The following RNF213 variants were observed in gnomAD, a reference collection of about 807,000 sequenced individuals.
RNF213 encodes E3 ubiquitin-protein ligase RNF213.
In RNF213, 341 loss-of-function variants were observed where a neutral mutation model predicts 514.4. That is an observed-to-expected ratio of 0.66 (90% CI 0.61 to 0.73). RNF213 has a LOEUF of 0.73. Ranked by LOEUF, RNF213 falls within the 30% of genes least tolerant of loss-of-function variation. The pLI is 0.00. For missense variants in RNF213, 5,767 were observed against 6,615.6 expected, an observed-to-expected ratio of 0.87 and a Z score of 4.45; for synonymous variants, 2,655 against 2,658.2, an observed-to-expected ratio of 1.00 and a Z score of 0.04.
chr17:80,371,720 GT>G, intron 46 of RNF213, 153 bp from the exon 47 acceptor site: 1 of 591,920 alleles, frequency 1.7e-6, no homozygotes. Flanking sequence ...ATGCTAAAAG[GT>G]TTTCCATAAA....
Position 80,347,368 on chromosome 17 carries a change from A to G in RNF213, c.9033A>G (p.Glu3011=), listed in dbSNP as rs374689837. The part of the protein sequence containing the change: ...ANLPEAKCSE[E]VSPMQLIKQN... The stretch of plus-strand genomic sequence containing the variant: ...TGCCCGAGGCCAAGTGCTCAGAGGA[A>G]GTCAGCCCCATGCAGCTGATCAAAC... The change falls in exon 29 of 68, where the codon GAA becomes GAG. Residue 3011 remains glutamate, a synonymous_variant. Transcript: ENST00000582970. The surrounding 1 kb of genome is among the most constrained non-coding windows in gnomAD (Gnocchi z 7.2). 13 of 1,613,826 alleles carry G rather than the reference A, an allele frequency of 8.1e-6. No homozygotes were observed. The highest frequency in any genetic ancestry group is 1.1e-5 in the Non-Finnish European group (13 of 1,180,024).
At chr17:80,355,629 G>T (rs1423523807) in intron 36 of RNF213, among the ~76,000 whole-genome samples, 1 of 48,996 alleles carries the variant, frequency 2.0e-5, no homozygotes. Flanking sequence ...GGGAATGGGG[G>T]CTTACAGGGG....
At position 80,361,828 on chromosome 17, in the gene RNF213, G is replaced by A. The variant is rs754908313; in HGVS notation, c.11295G>A (p.Gln3765=). The A allele has an allele frequency of 6.2e-7, 1 of 1,613,858 alleles. No homozygotes were observed. The highest frequency in any genetic ancestry group is 1.3e-5 in the African/African-American group (1 of 74,930). Residue 3765 remains glutamine (Q), a synonymous_variant, in exon 39 of 68, where the codon CAG becomes CAA. Coordinates refer to ENST00000582970, the MANE Select transcript of RNF213 (RefSeq NM_001256071.3). The part of the protein sequence containing the change: ...LHGEPQQELL[Q]CYLKDFILLT... Reference sequence around the variant, plus strand: ...GAGAGCCGCAGCAGGAACTTCTTCAGTGTTACTTGAAGGATTTCATTCTCT... The same window carrying A: ...GAGAGCCGCAGCAGGAACTTCTTCAATGTTACTTGAAGGATTTCATTCTCT...
intron 3 of RNF213, among the ~76,000 whole-genome samples, chr17:80,280,510 G>A (rs1038240264): frequency 2.0e-5 from 3 of 152,188 alleles, no homozygotes; most frequent in African/African-American, 4.8e-5. Flanking sequence ...CTGGAGCGCA[G>A]TGGCAAAATC....
chr17:80,386,952 T>TG, intron 63 of RNF213, 61 bp downstream of exon 63: 4 of 1,503,044 alleles, frequency 2.7e-6, no homozygotes, highest in Non-Finnish European at 3.6e-6. Context: ...AAGCAGCCCT[T>TG]GGTGTGTTTC....
rs2144638246 is a variant in RNF213, at chr17:80,386,240, T to C, written c.14540-10T>C. 6.2e-7 allele frequency: 1 copy of C among 1,604,796 alleles called. No individual in the cohort carries two copies. The highest frequency in any genetic ancestry group is 8.5e-7 in the Non-Finnish European group (1 of 1,179,830). Reference sequence around the variant, plus strand: ...TCCTCTCTGCTTAAGCATAACCCTGTCGTTTAAAGGTGAGATCAACCTACC... The same window carrying C: ...TCCTCTCTGCTTAAGCATAACCCTGCCGTTTAAAGGTGAGATCAACCTACC... On this transcript the variant is annotated splice_polypyrimidine_tract_variant and intron_variant, in intron 61 of 67. Coordinates refer to ENST00000582970, the MANE Select transcript of RNF213 (RefSeq NM_001256071.3).
chr17:80,357,634 C>T (rs111488119), intron 36 of RNF213, among the ~76,000 whole-genome samples: 2 of 152,294 alleles, frequency 1.3e-5, no homozygotes, highest in African/African-American at 4.8e-5. Flanking sequence ...ACCTCGATGA[C>T]TTGTTCTGAA....
intron 40 of RNF213, 116 bp from the exon 41 acceptor site, chr17:80,363,493 T>G (rs1018043347): frequency 5.3e-6 from 7 of 1,317,148 alleles, no homozygotes; most frequent in Non-Finnish European, 7.5e-6. Flanking sequence ...TCCTAGACAA[T>G]GAAAGTTTAG....
chr17:80,288,397 C>T lies in RNF213; in HGVS notation c.810+34C>T, dbSNP rs201889709. ...TCCGGGAGAGATGGCCTGGGAGTGG[C>T]ACTGAGCCCTCGGCACCTGGGCTCT... On this transcript the variant is annotated intron_variant, in intron 4 of 67. Coordinates refer to ENST00000582970, the MANE Select transcript of RNF213 (RefSeq NM_001256071.3). This position sits in a 1 kb window ranked among gnomAD's most constrained non-coding sequence, Gnocchi z 4.9. The T allele has an allele frequency of 6.5e-5, 105 of 1,609,464 alleles. No homozygotes were observed. Among genetic ancestry groups the T allele is most frequent in the Non-Finnish European group, 8.7e-5 (103 of 1,179,416 alleles).
intron 8 of RNF213, among the ~76,000 whole-genome samples, chr17:80,294,308 A>G (rs1478436665): frequency 1.3e-5 from 2 of 152,150 alleles, no homozygotes; most frequent in African/African-American, 2.4e-5. Flanking sequence ...AAACCAACTC[A>G]GTGATTGACC....
At chr17:80,392,731 A>G (rs1229738678) in intron 67 of RNF213, among the ~76,000 whole-genome samples, 1 of 151,262 alleles carries the variant, frequency 6.6e-6, no homozygotes, top group East Asian at 2.0e-4. Flanking sequence ...CTGGGATTAC[A>G]GGCACCCACC....
intron 3 of RNF213, among the ~76,000 whole-genome samples, chr17:80,275,549 G>T (rs1232617137): frequency 1.3e-5 from 2 of 152,138 alleles, no homozygotes; most frequent in Admixed American, 6.5e-5. Context: ...GGACGCACTC[G>T]AAAAAGACCT....
In RNF213 at chr17:80,334,132, G is replaced by C. The variant is rs2077915565; in HGVS notation, c.4171G>C (p.Glu1391Gln). Residue 1391 changes from glutamate (E) to glutamine (Q), a missense_variant, in exon 22 of 68, where the codon GAA (glutamate) becomes CAA (glutamine). Physicochemically the swap from Glu to Gln is conservative, Grantham distance 29. Coordinates refer to ENST00000582970, the MANE Select transcript of RNF213 (RefSeq NM_001256071.3). ...TGATAACTTCGACGACTTTCGCCGT[G>C]AAACACTGGACCAGATCAACCAGGA... ...FTDNFDDFRR[E>Q]TLDQINQELI... The C allele has an allele frequency of 6.5e-7, 1 of 1,537,106 alleles. No individual in the cohort carries two copies. The highest frequency in any genetic ancestry group is 8.7e-7 in the Non-Finnish European group (1 of 1,146,926).
At chr17:80,330,537 G>T (rs971649399) in intron 20 of RNF213, among the ~76,000 whole-genome samples, 2 of 152,212 alleles carry the variant, frequency 1.3e-5, no homozygotes, top group African/African-American at 4.8e-5. Context: ...CCCATGGCCC[G>T]TGTTCTCAGT....
intron 3 of RNF213, among the ~76,000 whole-genome samples, chr17:80,283,760 G>A (rs2044378843): frequency 6.6e-6 from 1 of 152,218 alleles, no homozygotes; most frequent in African/African-American, 2.4e-5. Flanking sequence ...GGCTCCTCCT[G>A]TTCCGGGCTG....
intron 19 of RNF213, 85 bp downstream of exon 19, chr17:80,328,074 T>C: frequency 6.9e-7 from 1 of 1,440,444 alleles, no homozygotes; most frequent in Non-Finnish European, 9.4e-7. Flanking sequence ...TGCATTTTTG[T>C]AAAGGAGATA....
At position 80,317,228 on chromosome 17, in the gene RNF213, A is replaced by G. The variant is rs746475303; in HGVS notation, c.2852A>G (p.His951Arg). The G allele has an allele frequency of 1.4e-5, 22 of 1,612,816 alleles. No individual in the cohort carries two copies. The East Asian group carries it at 3.3e-4, about 24-fold the overall frequency. Residue 951 changes from histidine to arginine, a missense_variant, in exon 16 of 68, where the codon CAT becomes CGT. Physicochemically the swap from His to Arg is conservative, Grantham distance 29. This residue lies in a region of RNF213 where 592 missense variants were observed against 673.9 expected (regional missense o/e 0.88). Transcript: ENST00000582970. This position sits in a 1 kb window ranked among gnomAD's most constrained non-coding sequence, Gnocchi z 4.1. ...RLVEIQFPAE[H>R]GWKESLLGDM... ...GTGGAAATCCAATTCCCCGCGGAGCATGGCTGGAAGGAGTCGTTGCTGGGA... is the reference window on the plus strand; with the variant it reads ...GTGGAAATCCAATTCCCCGCGGAGCGTGGCTGGAAGGAGTCGTTGCTGGGA...
At chr17:80,376,731 G>A (rs2079775743) in intron 52 of RNF213, 151 bp from the exon 53 acceptor site, 5 of 1,087,222 alleles carry the variant, frequency 4.6e-6, no homozygotes, top group South Asian at 2.7e-5. Context: ...TTATTTCACA[G>A]GAAGCTGTTC....
intron 1 of RNF213, among the ~76,000 whole-genome samples, chr17:80,262,250 C>T (rs893170229): frequency 6.6e-6 from 1 of 151,924 alleles, no homozygotes; most frequent in African/African-American, 2.4e-5. Context: ...AACTCTCCTT[C>T]TACTCTGAAG....
Sources: allele counts gnomAD v4.1 joint callset (sites outside exome capture counted in the v4.1 genomes callset), GRCh38; gene constraint gnomAD v4.1.1; regional missense constraint gnomAD v4.1.1; non-coding constraint Gnocchi (gnomAD v3.1); transcripts MANE v1.5; gene names NCBI Gene and HGNC (gene_info 2026-07-23, HGNC 2026-07-21).